The following SLC24A2 variants were observed in gnomAD, a reference collection of about 807,000 sequenced individuals.
SLC24A2 encodes the protein solute carrier family 24 member 2, also known as sodium/potassium/calcium exchanger 2.
In SLC24A2, 36 loss-of-function variants were observed where a neutral mutation model predicts 62.0. The ratio of observed to expected loss-of-function variants is 0.58; its 90% CI spans 0.44 to 0.77. The LOEUF (loss-of-function observed/expected upper bound fraction) is 0.77. SLC24A2 is among the 30% of genes least tolerant of loss of function. SLC24A2 has a pLI of 0.00. For missense variants in SLC24A2, 846 were observed against 817.9 expected, an observed-to-expected ratio of 1.03 and a Z score of -0.42; for synonymous variants, 358 against 294.0, an observed-to-expected ratio of 1.22 and a Z score of -2.23.
At chr9:20,106,773 CT>C in the SLC24A2 span, among the ~76,000 whole-genome samples, 1 of 152,152 alleles carries the variant, frequency 6.6e-6, no homozygotes, top group Non-Finnish European at 1.5e-5. Context: ...GAAGCATTCC[CT>C]TTGAAAACTG....
At chr9:20,246,601 A>G in the SLC24A2 span, among the ~76,000 whole-genome samples, 1 of 152,228 alleles carries the variant, frequency 6.6e-6, no homozygotes, top group East Asian at 1.9e-4. Context: ...CAGTAATGAC[A>G]AGTTACTCAC....
Position 19,642,101 on chromosome 9 carries a change from G to C in SLC24A2, c.931-19802C>G, listed in dbSNP as rs113375235. Among the ~76,000 whole-genome samples, 68 of 152,258 alleles carry C rather than the reference G, an allele frequency of 4.5e-4. 1 individual carries two copies. The highest frequency in any genetic ancestry group is 1.6e-3 in the African/African-American group (65 of 41,550). On this transcript the variant is annotated intron_variant, in intron 2 of 10. Transcript: ENST00000341998. ...TGTTAAATTCCCAGGTCAGGGTATAGGGAGAGACTGGCTTGGCTTTGGGGA... is the reference window on the plus strand; with the variant it reads ...TGTTAAATTCCCAGGTCAGGGTATACGGAGAGACTGGCTTGGCTTTGGGGA...
At chr9:19,823,988 G>T in the SLC24A2 span, among the ~76,000 whole-genome samples, 2 of 152,194 alleles carry the variant, frequency 1.3e-5, no homozygotes, top group African/African-American at 4.8e-5. Flanking sequence ...ACGGAAACTG[G>T]ACCCCTGCCT....
intron 2 of SLC24A2, among the ~76,000 whole-genome samples, chr9:19,724,040 T>C (rs1266764620): frequency 6.6e-6 from 1 of 152,172 alleles, no homozygotes; most frequent in African/African-American, 2.4e-5. Context: ...GCTACACTCA[T>C]AATAATGTCA....
At chr9:19,702,425 T>C (rs1166802891) in intron 2 of SLC24A2, among the ~76,000 whole-genome samples, 1 of 152,220 alleles carries the variant, frequency 6.6e-6, no homozygotes, top group Non-Finnish European at 1.5e-5. Context: ...CACAAACAAA[T>C]GATCTCGATA....
At chr9:20,283,742 GAA>G in the SLC24A2 span, among the ~76,000 whole-genome samples, 2 of 122,714 alleles carry the variant, frequency 1.6e-5, no homozygotes, top group South Asian at 3.0e-4. Context: ...GGAGAAAAGA[GAA>G]AAAAAAAGGG....
At chr9:19,648,845 C>A (rs375698345) in intron 2 of SLC24A2, among the ~76,000 whole-genome samples, 1 of 151,856 alleles carries the variant, frequency 6.6e-6, no homozygotes, top group East Asian at 1.9e-4. Context: ...TCACACAGAC[C>A]ACCCACGTGT....
At chr9:19,598,453 G>A (rs1251754454) in intron 4 of SLC24A2, among the ~76,000 whole-genome samples, 4 of 152,074 alleles carry the variant, frequency 2.6e-5, no homozygotes, top group Admixed American at 2.0e-4. Context: ...ATTTTTTCAT[G>A]TGCCTAGATT....
chr9:19,719,492 G>C (rs979166635), intron 2 of SLC24A2, among the ~76,000 whole-genome samples: 1 of 152,166 alleles, frequency 6.6e-6, no homozygotes, highest in Non-Finnish European at 1.5e-5. Flanking sequence ...TACAGAGTGA[G>C]AGCTGAGGCT....
intron 2 of SLC24A2, among the ~76,000 whole-genome samples, chr9:19,780,099 C>CA (rs1403058147): frequency 2.6e-5 from 4 of 151,840 alleles, no homozygotes; most frequent in Non-Finnish European, 5.9e-5. Context: ...AACAAACGGA[C>CA]AAAAAACACA....
At chr9:19,663,776 G>C (rs552009505) in intron 2 of SLC24A2, among the ~76,000 whole-genome samples, 381 of 152,286 alleles carry the variant, frequency 2.5e-3, no homozygotes, top group Middle Eastern at 0.01. Context: ...GCATATGCCT[G>C]GCACCATGGT....
chr9:20,257,876 A>G, the SLC24A2 span, among the ~76,000 whole-genome samples: 1 of 152,186 alleles, frequency 6.6e-6, no homozygotes, highest in Non-Finnish European at 1.5e-5. Flanking sequence ...ATACAGAAAC[A>G]GTGTTTTCCA....
At chr9:19,896,963 T>C in the SLC24A2 span, among the ~76,000 whole-genome samples, 8 of 152,330 alleles carry the variant, frequency 5.3e-5, no homozygotes, top group East Asian at 1.5e-3. Flanking sequence ...CATCCACTTT[T>C]CTCATTTGGC....
At chr9:19,710,416 G>A (rs1392260681) in intron 2 of SLC24A2, among the ~76,000 whole-genome samples, 13 of 152,134 alleles carry the variant, frequency 8.5e-5, no homozygotes, top group African/African-American at 2.9e-4. Context: ...CAGGGGGGTG[G>A]TGGCGGTAAA....
chr9:19,920,664 G>A, the SLC24A2 span, among the ~76,000 whole-genome samples: 2 of 152,188 alleles, frequency 1.3e-5, no homozygotes, highest in East Asian at 1.9e-4. Flanking sequence ...GTTGAGAGCT[G>A]TTAGGGCAGG....
the SLC24A2 span, among the ~76,000 whole-genome samples, chr9:19,912,809 C>G: frequency 1.3e-5 from 2 of 152,096 alleles, no homozygotes; most frequent in Non-Finnish European, 2.9e-5. Context: ...TGAACTCAAT[C>G]CAACCCTTAT....
the SLC24A2 span, among the ~76,000 whole-genome samples, chr9:20,147,193 G>C: frequency 2.0e-5 from 3 of 152,064 alleles, no homozygotes; most frequent in African/African-American, 4.8e-5. Flanking sequence ...ACCTTTCCTG[G>C]CATTCAGTAT....
the SLC24A2 span, among the ~76,000 whole-genome samples, chr9:20,094,451 T>C: frequency 2.0e-5 from 3 of 152,198 alleles, no homozygotes; most frequent in African/African-American, 7.2e-5. Context: ...AGCTCCCATG[T>C]GAAAAACAGA....
chr9:19,944,812 T>A, the SLC24A2 span, among the ~76,000 whole-genome samples: 2 of 152,214 alleles, frequency 1.3e-5, no homozygotes, highest in East Asian at 3.8e-4. Context: ...AATCTGTTCA[T>A]GATGTGTGTT....
Sources: allele counts gnomAD v4.1 joint callset (sites outside exome capture counted in the v4.1 genomes callset), GRCh38; gene constraint gnomAD v4.1.1; transcripts MANE v1.5; gene names NCBI Gene and HGNC (gene_info 2026-07-23, HGNC 2026-07-21).